RBFOX1: variants seen among roughly 807,000 people sequenced by gnomAD.
The protein encoded by RBFOX1 is RNA binding fox-1 homolog 1.
A neutral mutation model predicts 57.7 loss-of-function variants in RBFOX1; 8 were observed. The observed-to-expected ratio is 0.14, with a 90% CI of 0.08 to 0.25. The LOEUF is 0.25. RBFOX1 is among the 10% of genes least tolerant of loss of function. The pLI, the probability that RBFOX1 is intolerant of heterozygous loss-of-function variation, is 1.00. For missense variants in RBFOX1, 611 were observed against 548.5 expected (o/e 1.11, Z -1.14); for synonymous variants, 326 against 222.4 (o/e 1.47, Z -4.15).
chr16:6,918,388 G>A (rs534391554), intron 3 of RBFOX1, among the ~76,000 whole-genome samples: 10 of 152,114 alleles, frequency 6.6e-5, no homozygotes, highest in South Asian at 6.2e-4. Context: ...CAAGCTACCC[G>A]GGTGATTCTG....
intron 4 of RBFOX1, among the ~76,000 whole-genome samples, chr16:7,191,515 T>A (rs1311678357): frequency 6.6e-6 from 1 of 152,230 alleles, no homozygotes; most frequent in Non-Finnish European, 1.5e-5. Context: ...TTATATTGCA[T>A]ATAATTTTTA....
At chr16:6,633,326 G>A (rs536271736) in intron 2 of RBFOX1, among the ~76,000 whole-genome samples, 1 of 152,198 alleles carries the variant, frequency 6.6e-6, no homozygotes, top group East Asian at 1.9e-4. Flanking sequence ...CGCCCAGGCT[G>A]GAATGCAGCG....
chr16:5,769,928 T>G (rs1025652310), intron 3 of RBFOX1, among the ~76,000 whole-genome samples: 1 of 152,144 alleles, frequency 6.6e-6, no homozygotes, highest in Admixed American at 6.5e-5. Context: ...CAAGGATACC[T>G]TGGAAGAAAA....
intron 3 of RBFOX1, among the ~76,000 whole-genome samples, chr16:5,842,398 C>T (rs1051790485): frequency 1.6e-4 from 24 of 152,118 alleles, no homozygotes; most frequent in African/African-American, 5.6e-4. Flanking sequence ...GATTTGATTT[C>T]CATTTAAATC....
chr16:7,044,906 T>G (rs1335438096), intron 3 of RBFOX1, among the ~76,000 whole-genome samples: 1 of 152,150 alleles, frequency 6.6e-6, no homozygotes, highest in African/African-American at 2.4e-5. Context: ...GAAAATTTTT[T>G]AAGAGCCTCA....
intron 4 of RBFOX1, among the ~76,000 whole-genome samples, chr16:7,387,145 T>G (rs1009159719): frequency 1.3e-5 from 2 of 152,198 alleles, no homozygotes; most frequent in African/African-American, 4.8e-5. Context: ...GATGAATAGA[T>G]GGTAAAAATT....
intron 4 of RBFOX1, among the ~76,000 whole-genome samples, chr16:5,941,763 C>G (rs2059282757): frequency 6.6e-6 from 1 of 151,858 alleles, no homozygotes; most frequent in Non-Finnish European, 1.5e-5. Context: ...AGACTAAAAC[C>G]TCTTCCCGTG....
At chr16:6,024,911 C>T (rs1027491923) in intron 1 of RBFOX1, among the ~76,000 whole-genome samples, 16 of 152,186 alleles carry the variant, frequency 1.1e-4, no homozygotes, top group South Asian at 2.1e-4. Flanking sequence ...AAAAGACTTC[C>T]GTTCTAGGAT....
intron 2 of RBFOX1, among the ~76,000 whole-genome samples, chr16:5,559,040 T>C (rs2045787219): frequency 6.6e-6 from 1 of 151,778 alleles, no homozygotes. Context: ...TATGCTCACG[T>C]GGGTACAGAG....
At chr16:5,630,712 C>G (rs2048480736) in intron 3 of RBFOX1, among the ~76,000 whole-genome samples, 1 of 152,058 alleles carries the variant, frequency 6.6e-6, no homozygotes, top group South Asian at 2.1e-4. Context: ...TCCTGATGGA[C>G]GTGGGCTTGT....
At chr16:6,599,523 A>T (rs2097822727) in intron 2 of RBFOX1, among the ~76,000 whole-genome samples, 1 of 152,234 alleles carries the variant, frequency 6.6e-6, no homozygotes, top group Non-Finnish European at 1.5e-5. Flanking sequence ...GAGAGAATCT[A>T]GTGGCTAGGA....
chr16:7,036,526 G>A (rs757361976), intron 3 of RBFOX1, among the ~76,000 whole-genome samples: 3 of 151,772 alleles, frequency 2.0e-5, no homozygotes, highest in Non-Finnish European at 2.9e-5. Flanking sequence ...CTGGGTGTCT[G>A]TACTAAAATT....
At chr16:7,229,943 AGGAAGGGAGAGAGAGGG>A (rs2093396184) in intron 4 of RBFOX1, among the ~76,000 whole-genome samples, 1 of 55,704 alleles carries the variant, frequency 1.8e-5, no homozygotes, top group African/African-American at 1.1e-4. Context: ...AGAGAGAGGG[AGGAAGGGAGAGAGAGGG>A]AGGAAGGGAG....
At chr16:6,973,695 G>A (rs1276192614) in intron 3 of RBFOX1, among the ~76,000 whole-genome samples, 2 of 152,300 alleles carry the variant, frequency 1.3e-5, no homozygotes, top group African/African-American at 2.4e-5. Flanking sequence ...CGAGTAAAGT[G>A]TGTTGAATCA....
chr16:7,491,192 C>A (rs778960198), intron 4 of RBFOX1, among the ~76,000 whole-genome samples: 1 of 152,078 alleles, frequency 6.6e-6, no homozygotes, highest in Non-Finnish European at 1.5e-5. Context: ...CACCCACTTA[C>A]CCATCTTTGC....
chr16:5,453,883 C>T lies in RBFOX1; in HGVS notation c.220-13333C>T, dbSNP rs192153124. ...GAGAAAGGGTTTTGTTATTTCTTTGCCTGCTGGGAGATTTTGTTGGGGTGG... is the reference window on the plus strand; with the variant it reads ...GAGAAAGGGTTTTGTTATTTCTTTGTCTGCTGGGAGATTTTGTTGGGGTGG... On this transcript the variant is annotated intron_variant, in intron 1 of 2. Coordinates refer to the RBFOX1 transcript ENST00000585867. Among the ~76,000 whole-genome samples, 476 of 152,220 alleles carry T rather than the reference C, an allele frequency of 3.1e-3. 5 individuals carry two copies. Among genetic ancestry groups the T allele is most frequent in the African/African-American group, 0.011 (447 of 41,522 alleles).
intron 1 of RBFOX1, among the ~76,000 whole-genome samples, chr16:5,314,329 G>T (rs1184641957): frequency 6.6e-6 from 1 of 152,142 alleles, no homozygotes; most frequent in African/African-American, 2.4e-5. Context: ...GTGTGGAGAG[G>T]GGGAGTGGTA....
intron 2 of RBFOX1, among the ~76,000 whole-genome samples, chr16:5,582,268 C>T (rs2046693152): frequency 6.6e-6 from 1 of 152,158 alleles, no homozygotes; most frequent in African/African-American, 2.4e-5. Context: ...ATGACTGGGG[C>T]TGCACGGGCC....
chr16:6,923,901 T>G (rs917685341), intron 3 of RBFOX1, among the ~76,000 whole-genome samples: 7 of 152,140 alleles, frequency 4.6e-5, no homozygotes, highest in Admixed American at 6.6e-5. Context: ...TCAGTTGTGG[T>G]GGCTGACACC....
Sources: gnomAD v4.1 joint callset for allele counts (sites outside exome capture counted in the v4.1 genomes callset) on GRCh38, gnomAD v4.1.1 for gene constraint, MANE v1.5 for transcripts, NCBI Gene and HGNC (gene_info 2026-07-23, HGNC 2026-07-21) for gene names.